ATOSA: variants seen among roughly 807,000 people sequenced by gnomAD.
ATOSA encodes the protein atos homolog protein A.
chr15:52,709,774 AG>A, the ATOSA span: 1 of 152,546 alleles, frequency 6.6e-6, no homozygotes, highest in Non-Finnish European at 1.5e-5. Flanking sequence ...GACACAGAAG[AG>A]GGAGATGATC....
the ATOSA span, chr15:52,649,357 C>T: frequency 3.4e-4 from 51 of 151,930 alleles, no homozygotes; most frequent in African/African-American, 1.2e-3. Flanking sequence ...GAAGTAGGAA[C>T]GACTTAAAAA....
the ATOSA span, among the ~76,000 whole-genome samples, chr15:52,593,055 A>C: frequency 6.6e-6 from 1 of 152,076 alleles, no homozygotes; most frequent in East Asian, 1.9e-4. Flanking sequence ...CCAAGGCAAG[A>C]GGATGGTTTG....
chr15:52,687,940 C>G, the ATOSA span, among the ~76,000 whole-genome samples: 2 of 152,288 alleles, frequency 1.3e-5, no homozygotes, highest in African/African-American at 4.8e-5. Context: ...GAAATCTTGC[C>G]TATTTCCTCT....
the ATOSA span, among the ~76,000 whole-genome samples, chr15:52,660,607 T>A: frequency 6.6e-6 from 1 of 152,202 alleles, no homozygotes; most frequent in Admixed American, 6.5e-5. Context: ...TTATTAACAA[T>A]AACAACAGGC....
chr15:52,705,272 G>A, the ATOSA span, among the ~76,000 whole-genome samples: 6 of 151,508 alleles, frequency 4.0e-5, no homozygotes, highest in African/African-American at 1.5e-4. Flanking sequence ...ACCAAACACC[G>A]CATGTTCTCA....
chr15:52,701,542 A>C, the ATOSA span, among the ~76,000 whole-genome samples: 2 of 152,336 alleles, frequency 1.3e-5, no homozygotes, highest in East Asian at 1.9e-4. Context: ...AGAAAGGATA[A>C]ATTAGATCCT....
chr15:52,582,317 TAAAC>T, the ATOSA span: 1 of 1,553,458 alleles, frequency 6.4e-7, no homozygotes, highest in Non-Finnish European at 8.6e-7. Flanking sequence ...CCTAAACAAA[TAAAC>T]AAAATATAAA....
At chr15:52,604,926 A>G in the ATOSA span, among the ~76,000 whole-genome samples, 1 of 152,224 alleles carries the variant, frequency 6.6e-6, no homozygotes, top group Non-Finnish European at 1.5e-5. Context: ...TAAATTTTAT[A>G]ACTAATAAAT....
At chr15:52,618,286 G>A in the ATOSA span, among the ~76,000 whole-genome samples, 33 of 152,130 alleles carry the variant, frequency 2.2e-4, no homozygotes, top group Non-Finnish European at 4.1e-4. Flanking sequence ...TGATCCACCT[G>A]CCTCGGCCTC....
chr15:52,694,752 A>C, the ATOSA span, among the ~76,000 whole-genome samples: 1 of 152,110 alleles, frequency 6.6e-6, no homozygotes, highest in Non-Finnish European at 1.5e-5. Flanking sequence ...GCCAAAATAC[A>C]ATGTTTGTGA....
At chr15:52,629,319 T>A in the ATOSA span, among the ~76,000 whole-genome samples, 1 of 152,100 alleles carries the variant, frequency 6.6e-6, no homozygotes, top group East Asian at 1.9e-4. Context: ...AGTGGTATAT[T>A]TGTTACACTT....
chr15:52,684,418 T>A, the ATOSA span, among the ~76,000 whole-genome samples: 1 of 152,138 alleles, frequency 6.6e-6, no homozygotes, highest in African/African-American at 2.4e-5. Context: ...GAACCTGTAG[T>A]CCTAGTTACT....
At chr15:52,601,221 T>C in the ATOSA span, 2 of 1,109,320 alleles carry the variant, frequency 1.8e-6, no homozygotes, top group Non-Finnish European at 2.6e-6. Flanking sequence ...ATTTTTTTCT[T>C]GAATTGATAA....
the ATOSA span, among the ~76,000 whole-genome samples, chr15:52,682,131 T>C: frequency 1.3e-5 from 2 of 152,166 alleles, no homozygotes; most frequent in African/African-American, 2.4e-5. Flanking sequence ...TTCTCCCTAG[T>C]GGGATAAAGG....
At chr15:52,598,933 T>C in the ATOSA span, among the ~76,000 whole-genome samples, 48 of 152,310 alleles carry the variant, frequency 3.2e-4, 1 homozygote, top group South Asian at 9.3e-3. Flanking sequence ...CCTTGCTCTC[T>C]TGTTCCTGCT....
At chr15:52,606,310 C>T in the ATOSA span, among the ~76,000 whole-genome samples, 1 of 152,014 alleles carries the variant, frequency 6.6e-6, no homozygotes, top group African/African-American at 2.4e-5. Flanking sequence ...CAGGCTAATT[C>T]TTAAGGACTG....
At chr15:52,635,607 G>T in the ATOSA span, among the ~76,000 whole-genome samples, 1 of 151,496 alleles carries the variant, frequency 6.6e-6, no homozygotes, top group Non-Finnish European at 1.5e-5. Context: ...GAGGTGGGAG[G>T]ATAGCTTGAG....
the ATOSA span, among the ~76,000 whole-genome samples, chr15:52,689,291 T>C: frequency 6.6e-6 from 1 of 152,226 alleles, no homozygotes; most frequent in Admixed American, 6.5e-5. Context: ...GTATTGAATT[T>C]CTTTGCAGTG....
At chr15:52,663,059 ACT>A in the ATOSA span, among the ~76,000 whole-genome samples, 278 of 152,158 alleles carry the variant, frequency 1.8e-3, 1 homozygote, top group East Asian at 0.025. Flanking sequence ...AACATTTAAA[ACT>A]CTAATCTCTC....
Sources: gnomAD v4.1 joint callset for allele counts (sites outside exome capture counted in the v4.1 genomes callset) on GRCh38, gnomAD v4.1.1 for gene constraint, MANE v1.5 for transcripts, NCBI Gene and HGNC (gene_info 2026-07-23, HGNC 2026-07-21) for gene names.